Variants in SLC17A7 observed in about 807,000 individuals in gnomAD.
SLC17A7 encodes vesicular glutamate transporter 1.
Under a neutral mutation model 59.1 loss-of-function variants are expected in SLC17A7, and 15 were observed. The ratio of observed to expected loss-of-function variants is 0.25; its 90% CI spans 0.17 to 0.39. SLC17A7 has a LOEUF of 0.39. Ranked by LOEUF, SLC17A7 falls within the 10% of genes least tolerant of loss-of-function variation. The pLI is 1.00. For missense variants in SLC17A7, 499 were observed against 765.1 expected, an observed-to-expected ratio of 0.65 and a Z score of 4.10; for synonymous variants, 353 against 308.9, an observed-to-expected ratio of 1.14 and a Z score of -1.50.
chr19:49,429,704 G>T lies in SLC17A7; in HGVS notation c.*815C>A. On this transcript the variant is annotated 3_prime_UTR_variant, in exon 12 of 12. Transcript: ENST00000221485. The stretch of plus-strand genomic sequence containing the variant: ...GAATAAAGTGCGAGGAATTGGGGAG[G>T]GGGCATCATGAAACCACCATGGGGG... 2.5e-6 allele frequency: 1 copy of T among 396,812 alleles called. No individual in the cohort carries two copies. The highest frequency in any genetic ancestry group is 4.4e-6 in the Non-Finnish European group (1 of 225,218). 24.6% of individuals were successfully genotyped at this position (396,812 alleles called of 1,614,324 possible). A position where few individuals can be genotyped will look rare whatever the true frequency, so the allele number is the denominator to read the frequency against.
rs1018287279 is a variant in SLC17A7, at chr19:49,430,200, C to T, written c.*319G>A. ...AGCGGGGGGTGTGGGTGCCTCAAAACCACAAGAGAGAGTAAGAGGTCGAAC... is the reference window on the plus strand; with the variant it reads ...AGCGGGGGGTGTGGGTGCCTCAAAATCACAAGAGAGAGTAAGAGGTCGAAC... On this transcript the variant is annotated 3_prime_UTR_variant, in exon 12 of 12. Coordinates refer to ENST00000221485, the MANE Select transcript of SLC17A7 (RefSeq NM_020309.4). 1 of 213,144 alleles carries T rather than the reference C, an allele frequency of 4.7e-6. No individual in the cohort carries two copies. Among genetic ancestry groups the T allele is most frequent in the Non-Finnish European group, 9.2e-6 (1 of 108,838 alleles). 13.2% of individuals were successfully genotyped at this position (213,144 alleles called of 1,614,324 possible). A position where few individuals can be genotyped will look rare whatever the true frequency, so the allele number is the denominator to read the frequency against.
At chr19:49,435,363 A>G (rs1568635180) in intron 2 of SLC17A7, 77 bp from the exon 3 acceptor site, 2 of 1,037,064 alleles carry the variant, frequency 1.9e-6, no homozygotes, top group South Asian at 2.7e-5. Flanking sequence ...CCACAGACTT[A>G]GCGTCTCGAC....
intron 3 of SLC17A7, 80 bp downstream of exon 3, chr19:49,435,088 C>G (rs999276072): frequency 1.7e-6 from 2 of 1,176,214 alleles, no homozygotes; most frequent in East Asian, 4.7e-5. Context: ...CCAGAGCCAG[C>G]CCGCAAATTC....
chr19:49,436,624 G>C lies in SLC17A7; in HGVS notation c.240C>G (p.Arg80=), dbSNP rs2078980774. The change falls in exon 2 of 12, where the codon CGC becomes CGG. Residue 80 remains arginine, a synonymous_variant. Transcript: ENST00000221485. The surrounding 1 kb of genome is among the most constrained non-coding windows in gnomAD (Gnocchi z 4.1). ...GLGFCISFGI[R]CNLGVAIVSM... is the part of the protein sequence containing the mutation. ...AGACGATGGCCACGCCCAGGTTGCA[G>C]CGGATGCCAAAGCTGATGCAGAAGC... is the stretch of plus-strand genomic sequence containing the variant. 6.2e-7 allele frequency: 1 copy of C among 1,613,938 alleles called. No homozygotes were observed. The highest frequency in any genetic ancestry group is 8.5e-7 in the Non-Finnish European group (1 of 1,180,002).
Position 49,436,167 on chromosome 19 carries a change from C to G in SLC17A7, c.315+382G>C, listed in dbSNP as rs1437146029. 1 of 230,900 alleles carries G rather than the reference C, an allele frequency of 4.3e-6. No individual in the cohort carries two copies. 14.3% of individuals were successfully genotyped at this position (230,900 alleles called of 1,614,324 possible). ...AAAAGGATCACATTCAGGGAGGAAC[C>G]TGAGATGGGACTGAGATTAAATAGA... is the stretch of plus-strand genomic sequence containing the variant. On this transcript the variant is annotated intron_variant, in intron 2 of 11. Transcript: ENST00000221485. The surrounding 1 kb of genome is among the most constrained non-coding windows in gnomAD (Gnocchi z 4.1).
In SLC17A7 at chr19:49,436,494, A is replaced by C; in HGVS notation, c.315+55T>G. The stretch of plus-strand genomic sequence containing the variant: ...GGTGAGTGTGACGTCATGGGGGCGT[A>C]GGCGGAGCTCGGTGAGCGGGGCGGG... On this transcript the variant is annotated intron_variant, in intron 2 of 11. Transcript: ENST00000221485. The surrounding 1 kb of genome is among the most constrained non-coding windows in gnomAD (Gnocchi z 4.1). 1 of 1,587,220 alleles carries C rather than the reference A, an allele frequency of 6.3e-7. No individual in the cohort carries two copies. The highest frequency in any genetic ancestry group is 8.6e-7 in the Non-Finnish European group (1 of 1,168,832).
intron 1 of SLC17A7, 70 bp downstream of exon 1, chr19:49,441,248 G>T: frequency 6.4e-7 from 1 of 1,564,750 alleles, no homozygotes. Context: ...CTGTCAGTCT[G>T]CGCCCAGGTG....
chr19:49,437,551 GA>G (rs1056740168), intron 1 of SLC17A7: 1 of 153,388 alleles, frequency 6.5e-6, no homozygotes, highest in Non-Finnish European at 1.4e-5. Flanking sequence ...GACAGGTGGA[GA>G]AAGACCCAAA....
At chr19:49,434,347 A>G (rs1271002530) in intron 5 of SLC17A7, among the ~76,000 whole-genome samples, 1 of 145,204 alleles carries the variant, frequency 6.9e-6, no homozygotes, top group South Asian at 2.2e-4. Flanking sequence ...CTCCTCTCAG[A>G]CCCAGGAGTG....
Position 49,430,623 on chromosome 19 carries a change from C to T in SLC17A7, c.1579G>A (p.Glu527Lys). Reference protein sequence around the residue: ...AGSDDSEMEDEAEPPGAPPAP... With the variant: ...AGSDDSEMEDKAEPPGAPPAP... ...GGGGGTGCCCCCGGGGGCTCAGCCT[C>T]ATCCTCCATTTCGCTGTCGTCACTG... Residue 527 changes from glutamate to lysine, a missense_variant, in exon 12 of 12, where the codon GAG (glutamate) becomes AAG (lysine). Physicochemically the swap from Glu to Lys is moderately conservative, Grantham distance 56. Coordinates refer to ENST00000221485, the MANE Select transcript of SLC17A7 (RefSeq NM_020309.4). The T allele has an allele frequency of 6.2e-7, 1 of 1,614,034 alleles. No individual in the cohort carries two copies. The highest frequency in any genetic ancestry group is 8.5e-7 in the Non-Finnish European group (1 of 1,179,966).
rs1475133347 is a variant in SLC17A7, at chr19:49,436,955, C to T, written c.63-154G>A. On this transcript the variant is annotated intron_variant, in intron 1 of 11. Transcript: ENST00000221485. The surrounding 1 kb of genome is among the most constrained non-coding windows in gnomAD (Gnocchi z 4.1). ...AAGAGTCCAGGTCCCTGGCTCCCTT[C>T]GCCCCCCTGATCCAGAAATCCTCCA... The T allele has an allele frequency of 4.4e-6, 5 of 1,143,554 alleles. No individual in the cohort carries two copies. Among genetic ancestry groups the T allele is most frequent in the Non-Finnish European group, 6.0e-6 (5 of 833,454 alleles). 70.8% of individuals were successfully genotyped at this position (1,143,554 alleles called of 1,614,324 possible).
At position 49,433,166 on chromosome 19, in the gene SLC17A7, G is replaced by A. The variant is rs572853383; in HGVS notation, c.868-206C>T. ...CAAGGTGACACTTGAGTGATGAAGGGGTCCTGGCCCTATGGTAGCCTCTCA... is the reference window on the plus strand; with the variant it reads ...CAAGGTGACACTTGAGTGATGAAGGAGTCCTGGCCCTATGGTAGCCTCTCA... On this transcript the variant is annotated intron_variant, in intron 7 of 11. Coordinates refer to ENST00000221485, the MANE Select transcript of SLC17A7 (RefSeq NM_020309.4). This position sits in a 1 kb window ranked among gnomAD's most constrained non-coding sequence, Gnocchi z 5.7. 2.5e-5 allele frequency: 15 copies of A among 602,874 alleles called. No individual in the cohort carries two copies. Among genetic ancestry groups the A allele is most frequent in the African/African-American group, 1.5e-4 (8 of 53,922 alleles). 37.3% of individuals were successfully genotyped at this position (602,874 alleles called of 1,614,324 possible).
chr19:49,435,036 T>A, intron 3 of SLC17A7, 132 bp downstream of exon 3: 1 of 1,018,118 alleles, frequency 9.8e-7, no homozygotes, highest in Non-Finnish European at 1.5e-6. Context: ...AAGCCCCACC[T>A]TTCTCTAAGA....
chr19:49,432,279 G>A (rs3745309), intron 9 of SLC17A7, among the ~76,000 whole-genome samples: 45,794 of 152,038 alleles, frequency 0.3, 7,943 homozygotes, highest in Non-Finnish European at 0.38. Flanking sequence ...TGCTCCACCC[G>A]GGAAGTCTCG....
intron 1 of SLC17A7, 108 bp downstream of exon 1, chr19:49,441,209 AC>A: frequency 6.6e-7 from 1 of 1,521,972 alleles, no homozygotes. Context: ...AGATGGGTGG[AC>A]CCCCATGCCG....
At chr19:49,435,129 A>G in intron 3 of SLC17A7, 39 bp downstream of exon 3, 1 of 1,458,986 alleles carries the variant, frequency 6.9e-7, no homozygotes. Context: ...CACCCACACA[A>G]CTGTAGTTAC....
chr19:49,431,780 T>G lies in SLC17A7; in HGVS notation c.1151-332A>C, dbSNP rs1464177715. 1.4e-5 allele frequency among the ~76,000 whole-genome samples: 1 copy of G among 71,076 alleles called. No homozygotes were observed. Among genetic ancestry groups the G allele is most frequent in the Non-Finnish European group, 3.5e-5 (1 of 28,596 alleles). The allele number at this position is 71,076 out of a possible 152,430, so 46.6% of individuals were successfully genotyped here. ...CCCTCAATCCCCACTCATGAGTTTT[T>G]GGTTTTTTTTTTTTTTAATTTTTGA... is the stretch of plus-strand genomic sequence containing the variant. On this transcript the variant is annotated intron_variant, in intron 9 of 11. Coordinates refer to ENST00000221485, the MANE Select transcript of SLC17A7 (RefSeq NM_020309.4). The surrounding 1 kb of genome is among the most constrained non-coding windows in gnomAD (Gnocchi z 4.6).
chr19:49,441,304 C>A lies in SLC17A7; in HGVS notation c.62+14G>T. The A allele has an allele frequency of 6.2e-7, 1 of 1,608,818 alleles. No homozygotes were observed. The highest frequency in any genetic ancestry group is 1.1e-5 in the South Asian group (1 of 90,046). ...ATCCTCCCACTCTTCTCCCGGGACCCCCGCCAGGCTCACCGGTGCAGCTTC... is the reference window on the plus strand; with the variant it reads ...ATCCTCCCACTCTTCTCCCGGGACCACCGCCAGGCTCACCGGTGCAGCTTC... On this transcript the variant is annotated intron_variant, in intron 1 of 11. Coordinates refer to ENST00000221485, the MANE Select transcript of SLC17A7 (RefSeq NM_020309.4).
At position 49,435,460 on chromosome 19, in the gene SLC17A7, T is replaced by A. The variant is rs562090662; in HGVS notation, c.316-174A>T. The stretch of plus-strand genomic sequence containing the variant: ...TTTCTGTCAATTAAAGTCTACAAAC[T>A]CCGCTCTTCCACGTTGCTAGGGCCT... On this transcript the variant is annotated intron_variant, in intron 2 of 11. Transcript: ENST00000221485. 3.0e-4 allele frequency: 176 copies of A among 585,694 alleles called. No homozygotes were observed. The African/African-American group carries it at 3.0e-3, about 10-fold the overall frequency. The allele number at this position is 585,694 out of a possible 1,614,324, so 36.3% of individuals were successfully genotyped here.
Sources: gnomAD v4.1 joint callset for allele counts (sites outside exome capture counted in the v4.1 genomes callset) on GRCh38, gnomAD v4.1.1 for gene constraint, Gnocchi (gnomAD v3.1) non-coding constraint, MANE v1.5 for transcripts, NCBI Gene and HGNC (gene_info 2026-07-23, HGNC 2026-07-21) for gene names.